The following SULF1 variants were observed in gnomAD, a reference collection of about 807,000 sequenced individuals.
The protein encoded by SULF1 is extracellular sulfatase Sulf-1.
A neutral mutation model predicts 110.5 loss-of-function variants in SULF1; 46 were observed. The observed-to-expected ratio is 0.42, with a 90% CI of 0.33 to 0.53. SULF1 has a LOEUF of 0.53. Among genes scored for constraint, SULF1 ranks in the 20% least tolerant of loss-of-function variants. The pLI, the probability that SULF1 is intolerant of heterozygous loss-of-function variation, is 0.12. For synonymous variants in SULF1, 371 were observed against 387.1 expected (o/e 0.96, Z 0.49); for missense variants, 941 against 1,094.2 (o/e 0.86, Z 1.98).
intron 5 of SULF1, among the ~76,000 whole-genome samples, 199 bp from the exon 6 acceptor site, chr8:69,575,771 A>G (rs1289762441): frequency 1.3e-5 from 2 of 152,008 alleles, no homozygotes; most frequent in Non-Finnish European, 2.9e-5. Context: ...TATGTTTATT[A>G]TTCTGCAAAA....
At position 69,607,211 on chromosome 8, in the gene SULF1, A is replaced by C. The variant is rs1586535298; in HGVS notation, c.1377+2279A>C. Among the ~76,000 whole-genome samples the C allele has an allele frequency of 2.0e-5, 3 of 152,330 alleles. No homozygotes were observed. The East Asian group carries it at 5.8e-4, about 29-fold the overall frequency. On this transcript the variant is annotated intron_variant, in intron 13 of 22. Transcript: ENST00000402687. ...CTCCAGGTGACTCTGATGCTCCCTA[A>C]AGTTTGAGAAGCACTATTCTAACCC...
At chr8:69,544,217 TG>T (rs764354675) in intron 3 of SULF1, among the ~76,000 whole-genome samples, 2 of 152,204 alleles carry the variant, frequency 1.3e-5, no homozygotes, top group Non-Finnish European at 2.9e-5. Context: ...AATCCTAATT[TG>T]AGGTATAACT....
At chr8:69,638,449 C>G in intron 19 of SULF1, 53 bp from the exon 20 acceptor site, 1 of 1,587,462 alleles carries the variant, frequency 6.3e-7, no homozygotes, top group Non-Finnish European at 8.5e-7. Context: ...GCAAGCCTGC[C>G]TAAGGTTTTT....
intron 21 of SULF1, among the ~76,000 whole-genome samples, chr8:69,639,438 G>A (rs1811297866): frequency 6.6e-6 from 1 of 152,220 alleles, no homozygotes; most frequent in African/African-American, 2.4e-5. Flanking sequence ...TTCCTTCCCA[G>A]CTATGTGTGT....
At chr8:69,477,475 C>T (rs1432476714) in intron 1 of SULF1, among the ~76,000 whole-genome samples, 1 of 152,182 alleles carries the variant, frequency 6.6e-6, no homozygotes, top group African/African-American at 2.4e-5. Context: ...TTAACTTCCT[C>T]ATCTGCTTCA....
At chr8:69,582,137 C>G (rs1806113616) in intron 6 of SULF1, among the ~76,000 whole-genome samples, 1 of 151,948 alleles carries the variant, frequency 6.6e-6, no homozygotes, top group Admixed American at 6.6e-5. Flanking sequence ...GCAGGAATGA[C>G]TTGGGGAGAG....
At chr8:69,566,888 A>G (rs534035072) in intron 5 of SULF1, among the ~76,000 whole-genome samples, 2 of 152,320 alleles carry the variant, frequency 1.3e-5, no homozygotes, top group African/African-American at 4.8e-5. Context: ...CTCTCACAGT[A>G]ACTCTAGGAA....
At chr8:69,504,424 G>A (rs1434286797) in intron 3 of SULF1, among the ~76,000 whole-genome samples, 2 of 152,018 alleles carry the variant, frequency 1.3e-5, no homozygotes, top group African/African-American at 4.8e-5. Flanking sequence ...GCGTGGTGGT[G>A]CGCGCCTGTA....
At chr8:69,608,318 A>T (rs1047265326) in intron 13 of SULF1, among the ~76,000 whole-genome samples, 5 of 152,230 alleles carry the variant, frequency 3.3e-5, no homozygotes, top group Admixed American at 1.3e-4. Flanking sequence ...GTGTGCGAAT[A>T]TTGGGTGTTA....
chr8:69,575,290 T>G (rs532233229), intron 5 of SULF1, among the ~76,000 whole-genome samples: 1 of 152,284 alleles, frequency 6.6e-6, no homozygotes, highest in African/African-American at 2.4e-5. Context: ...GCAAATACTT[T>G]CGAGTGCAAT....
chr8:69,658,363 G>A lies in SULF1; in HGVS notation c.2586-142G>A, dbSNP rs376958809. The A allele has an allele frequency of 2.2e-5, 14 of 624,482 alleles. No individual in the cohort carries two copies. In the East Asian group the frequency reaches 2.4e-4, roughly 11 times the overall value. 38.7% of individuals were successfully genotyped at this position (624,482 alleles called of 1,614,324 possible). ...CACCTGTAACCTAAGGCCACTCTGT[G>A]ATAACAAATGACTAGGGGAAAATGC... is the stretch of plus-strand genomic sequence containing the variant. On this transcript the variant is annotated intron_variant, in intron 22 of 22. Transcript: ENST00000402687.
At chr8:69,539,751 G>C (rs1813736739) in intron 3 of SULF1, among the ~76,000 whole-genome samples, 1 of 152,216 alleles carries the variant, frequency 6.6e-6, no homozygotes, top group Admixed American at 6.5e-5. Flanking sequence ...GGCAGTGGGA[G>C]TTGAAGGGAG....
intron 1 of SULF1, among the ~76,000 whole-genome samples, chr8:69,483,470 T>C (rs1478569936): frequency 6.6e-6 from 1 of 152,114 alleles, no homozygotes; most frequent in Non-Finnish European, 1.5e-5. Flanking sequence ...AACGGCAGAA[T>C]TTAGAAGGAT....
chr8:69,580,394 C>T (rs1402783242), intron 6 of SULF1, among the ~76,000 whole-genome samples: 3 of 151,896 alleles, frequency 2.0e-5, no homozygotes, highest in Non-Finnish European at 2.9e-5. Flanking sequence ...AATAATTATC[C>T]ATGGTTGAGT....
chr8:69,609,058 C>T (rs528327083), intron 13 of SULF1, among the ~76,000 whole-genome samples: 23 of 152,128 alleles, frequency 1.5e-4, no homozygotes, highest in Admixed American at 3.9e-4. Flanking sequence ...CACCTGGGGC[C>T]GAGCACGGCA....
At chr8:69,477,090 C>T (rs10504448) in intron 1 of SULF1, among the ~76,000 whole-genome samples, 12,151 of 152,136 alleles carry the variant, frequency 0.08, 523 homozygotes, top group Middle Eastern at 0.12. Context: ...CTACATGTTA[C>T]GCTTTTAGAT....
intron 3 of SULF1, among the ~76,000 whole-genome samples, chr8:69,510,378 T>C (rs549327219): frequency 3.9e-5 from 6 of 152,318 alleles, no homozygotes; most frequent in Non-Finnish European, 7.3e-5. Flanking sequence ...TAACTGTGAC[T>C]TAATTTCTTT....
rs115982849 is a variant in SULF1 at position 69,611,490 on chromosome 8, G to A, written c.1377+6558G>A. On this transcript the variant is annotated intron_variant, in intron 13 of 22. Coordinates refer to ENST00000402687, the MANE Select transcript of SULF1 (RefSeq NM_001128205.2). ...ACAGGCCAGGAGATAAATCCTCCTGGCACAAGTAACACTAATTCATATTTG... is the reference window on the plus strand; with the variant it reads ...ACAGGCCAGGAGATAAATCCTCCTGACACAAGTAACACTAATTCATATTTG... 5.4e-3 allele frequency among the ~76,000 whole-genome samples: 822 copies of A among 152,180 alleles called. 3 individuals carry two copies. The highest frequency in any genetic ancestry group is 0.019 in the African/African-American group (784 of 41,516).
chr8:69,493,816 G>C (rs2150558546), intron 1 of SULF1, among the ~76,000 whole-genome samples: 1 of 152,328 alleles, frequency 6.6e-6, no homozygotes, highest in African/African-American at 2.4e-5. Flanking sequence ...TCAAAGCCCT[G>C]TTATCAAACT....
Sources: gnomAD v4.1 joint callset for allele counts (sites outside exome capture counted in the v4.1 genomes callset) on GRCh38, gnomAD v4.1.1 for gene constraint, MANE v1.5 for transcripts, NCBI Gene and HGNC (gene_info 2026-07-23, HGNC 2026-07-21) for gene names.